Variants in PSPC1 observed in about 807,000 individuals in gnomAD.
PSPC1 encodes the protein paraspeckle component 1, also known as paraspeckle protein 1.
A neutral mutation model predicts 51.6 loss-of-function variants in PSPC1; 14 were observed. The observed-to-expected ratio is 0.27, with a 90% CI of 0.18 to 0.42. The LOEUF (loss-of-function observed/expected upper bound fraction) is 0.42. Among genes scored for constraint, PSPC1 ranks in the 10% least tolerant of loss-of-function variants. The pLI is 1.00. For synonymous variants in PSPC1, 193 were observed against 231.9 expected (o/e 0.83, Z 1.53); for missense variants, 406 against 701.1 (o/e 0.58, Z 4.75).
intron 4 of PSPC1, among the ~76,000 whole-genome samples, chr13:19,750,710 C>G (rs1414247488): frequency 6.6e-6 from 1 of 152,080 alleles, no homozygotes; most frequent in East Asian, 1.9e-4. Context: ...GTATTTGATA[C>G]TGGCACAATT....
At chr13:19,717,393 C>G (rs957604875) in intron 6 of PSPC1, among the ~76,000 whole-genome samples, 1 of 151,252 alleles carries the variant, frequency 6.6e-6, no homozygotes, top group African/African-American at 2.4e-5. Flanking sequence ...TGGTGAAACC[C>G]CATAAATACT....
intron 6 of PSPC1, among the ~76,000 whole-genome samples, chr13:19,689,632 C>A (rs890951227): frequency 1.3e-5 from 2 of 152,132 alleles, no homozygotes; most frequent in Non-Finnish European, 2.9e-5. Flanking sequence ...GAGGTCAGGT[C>A]CCCAGACTTG....
chr13:19,734,037 A>T (rs1371401808), intron 5 of PSPC1, among the ~76,000 whole-genome samples: 2 of 152,186 alleles, frequency 1.3e-5, no homozygotes, highest in Non-Finnish European at 2.9e-5. Flanking sequence ...TTAGGGGAAC[A>T]GGAGCATTGC....
intron 3 of PSPC1, among the ~76,000 whole-genome samples, chr13:19,758,157 C>T (rs1236597534): frequency 6.6e-6 from 1 of 151,860 alleles, no homozygotes; most frequent in Non-Finnish European, 1.5e-5. Flanking sequence ...TACTAAAATA[C>T]AAAAAACTAG....
At position 19,705,828 on chromosome 13, in the gene PSPC1, G is replaced by T. The variant is rs780662375; in HGVS notation, c.1220C>A (p.Ala407Glu). ...GPRGAINMGD[A>E]FSPAPAGNQG... is the part of the protein sequence containing the mutation. ...GTTACCAGCAGGGGCTGGGCTAAACGCATCTATGTAAAACAATCTATACTT... is the reference window on the plus strand; with the variant it reads ...GTTACCAGCAGGGGCTGGGCTAAACTCATCTATGTAAAACAATCTATACTT... The change falls in exon 8 of 9, where the codon GCG becomes GAG. Residue 407 changes from alanine to glutamate, a missense_variant. By Grantham distance (107) the Ala-to-Glu change is moderately radical. This residue lies in a region of PSPC1 where 61 missense variants were observed against 78.4 expected (regional missense o/e 0.78). Transcript: ENST00000338910. 6.2e-7 allele frequency: 1 copy of T among 1,606,336 alleles called. No homozygotes were observed. Among genetic ancestry groups the T allele is most frequent in the Non-Finnish European group, 8.5e-7 (1 of 1,176,900 alleles).
intron 4 of PSPC1, among the ~76,000 whole-genome samples, chr13:19,750,837 T>C (rs1275275465): frequency 6.6e-6 from 1 of 152,080 alleles, no homozygotes; most frequent in South Asian, 2.1e-4. Context: ...TGATGCGATC[T>C]CAGCTCACAG....
Position 19,771,488 on chromosome 13 carries a change from T to G in PSPC1, c.674+754A>C, listed in dbSNP as rs866854516. Among the ~76,000 whole-genome samples, 5 of 152,028 alleles carry G rather than the reference T, an allele frequency of 3.3e-5. No individual in the cohort carries two copies. In the South Asian group the frequency reaches 1.0e-3, roughly 31 times the overall value. Reference sequence around the variant, plus strand: ...GGTCACTCGGTCACCTAGGCTGGAGTAGAGTGGCATGATCTGGGATCACTG... The same window carrying G: ...GGTCACTCGGTCACCTAGGCTGGAGGAGAGTGGCATGATCTGGGATCACTG... On this transcript the variant is annotated intron_variant, in intron 2 of 8. Transcript: ENST00000338910.
intron 2 of PSPC1, among the ~76,000 whole-genome samples, chr13:19,768,328 T>A (rs1888266282): frequency 6.6e-6 from 1 of 152,056 alleles, no homozygotes; most frequent in South Asian, 2.1e-4. Context: ...CATAATTCAG[T>A]AAGAAGACAA....
At chr13:19,778,275 G>T in intron 1 of PSPC1, among the ~76,000 whole-genome samples, 1 of 142,470 alleles carries the variant, frequency 7.0e-6, no homozygotes, top group African/African-American at 2.5e-5. Flanking sequence ...AAAGGTTTTA[G>T]AAGATTAATT....
In PSPC1 at chr13:19,689,873, A is replaced by G. The variant is rs1003112018; in HGVS notation, c.1159-12050T>C. On this transcript the variant is annotated intron_variant and NMD_transcript_variant, in intron 6 of 7. Coordinates refer to the PSPC1 transcript ENST00000471658. ...AAAAGCAATGTCGATTTTACAGGTA[A>G]TGTTTTAAATTCCTATAACCCATCC... is the stretch of plus-strand genomic sequence containing the variant. Among the ~76,000 whole-genome samples, 3 of 152,222 alleles carry G rather than the reference A, an allele frequency of 2.0e-5. No homozygotes were observed. In the East Asian group the frequency reaches 5.8e-4, roughly 29 times the overall value.
chr13:19,716,029 A>T lies in PSPC1; in HGVS notation c.1159-6430T>A, dbSNP rs138461069. Reference sequence around the variant, plus strand: ...ACTCCGTCTCAAAAAAATAAAAAATAAAAAATAAAAAAATTAAATTCTATG... The same window carrying T: ...ACTCCGTCTCAAAAAAATAAAAAATTAAAAATAAAAAAATTAAATTCTATG... On this transcript the variant is annotated intron_variant, in intron 6 of 8. Transcript: ENST00000338910. 8.5e-3 allele frequency among the ~76,000 whole-genome samples: 1,290 copies of T among 152,220 alleles called. 20 individuals are homozygous for T. The highest frequency in any genetic ancestry group is 0.029 in the African/African-American group (1,208 of 41,526).
At chr13:19,759,483 G>C in intron 2 of PSPC1, 65 bp from the exon 3 acceptor site, 2 of 1,101,864 alleles carry the variant, frequency 1.8e-6, no homozygotes, top group South Asian at 2.8e-5. Context: ...CGTCTTAAAA[G>C]AAATGTTTTA....
At chr13:19,767,045 A>T (rs1406690370) in intron 2 of PSPC1, among the ~76,000 whole-genome samples, 1 of 151,896 alleles carries the variant, frequency 6.6e-6, no homozygotes, top group Non-Finnish European at 1.5e-5. Context: ...GTAGTGGCTC[A>T]TGTCTGTAAT....
At chr13:19,776,056 A>T (rs1005676750) in intron 1 of PSPC1, among the ~76,000 whole-genome samples, 10 of 152,158 alleles carry the variant, frequency 6.6e-5, no homozygotes, top group African/African-American at 1.9e-4. Flanking sequence ...ATCTCAAAAA[A>T]AAAATAAAAT....
At chr13:19,702,230 G>A (rs1378415705), downstream of PSPC1, among the ~76,000 whole-genome samples, 1 of 152,110 alleles carries the variant, frequency 6.6e-6, no homozygotes, top group East Asian at 1.9e-4. Flanking sequence ...AAATTTTAGG[G>A]AAATATTTAC....
chr13:19,752,282 G>A (rs1378456851), intron 3 of PSPC1, among the ~76,000 whole-genome samples: 2 of 152,144 alleles, frequency 1.3e-5, no homozygotes, highest in Non-Finnish European at 2.9e-5. Flanking sequence ...GACATCAAAT[G>A]TGGCTGTTAA....
In PSPC1 at chr13:19,703,285, G is replaced by A. The variant is rs370436337; in HGVS notation, c.1462C>T (p.Pro488Ser). The A allele has an allele frequency of 1.9e-6, 3 of 1,613,956 alleles. No individual in the cohort carries two copies. The African/African-American group carries it at 4.0e-5, about 22-fold the overall frequency. ...CCTACACCACTCATTGGTGCTTGAG[G>A]GGTTTCAGAACCTGTTCTACTCCCC... is the stretch of plus-strand genomic sequence containing the variant. ...PMGSRTGSET[P>S]QAPMSGVGPV... is the part of the protein sequence containing the mutation. Residue 488 changes from proline (P) to serine (S), a missense_variant, in exon 9 of 9, where the codon CCT (proline) becomes TCT (serine). Coordinates refer to ENST00000338910, the MANE Select transcript of PSPC1 (RefSeq NM_001354909.2).
chr13:19,771,325 G>T (rs1888605191), intron 2 of PSPC1, among the ~76,000 whole-genome samples: 1 of 151,962 alleles, frequency 6.6e-6, no homozygotes, highest in South Asian at 2.1e-4. Context: ...TTTTAGTAGA[G>T]ACAGGGTTTC....
At chr13:19,774,922 C>T (rs561697964) in intron 1 of PSPC1, among the ~76,000 whole-genome samples, 1 of 151,870 alleles carries the variant, frequency 6.6e-6, no homozygotes, top group African/African-American at 2.4e-5. Context: ...CACCTGTAAT[C>T]CCAGCACTTT....
Sources: gnomAD v4.1 joint callset for allele counts (sites outside exome capture counted in the v4.1 genomes callset) on GRCh38, gnomAD v4.1.1 for gene constraint, gnomAD v4.1.1 regional missense constraint, MANE v1.5 for transcripts, NCBI Gene and HGNC (gene_info 2026-07-23, HGNC 2026-07-21) for gene names.